NUP133: variants seen among roughly 807,000 people sequenced by gnomAD.
NUP133 encodes nucleoporin 133.
In NUP133, 66 loss-of-function variants were observed where a neutral mutation model predicts 146.2. The observed-to-expected ratio is 0.45, with a 90% CI of 0.37 to 0.55. The LOEUF (loss-of-function observed/expected upper bound fraction) is 0.55, where lower values mean the gene tolerates loss of function less well. NUP133 is among the 20% of genes least tolerant of loss of function. The pLI, the probability that NUP133 is intolerant of heterozygous loss-of-function variation, is 0.00. For synonymous variants in NUP133, 521 were observed against 498.8 expected, an observed-to-expected ratio of 1.04 and a Z score of -0.59; for missense variants, 1,277 against 1,374.8, an observed-to-expected ratio of 0.93 and a Z score of 1.12.
At chr1:229,502,823 G>T (rs1424719333) in intron 2 of NUP133, among the ~76,000 whole-genome samples, 1 of 150,164 alleles carries the variant, frequency 6.7e-6, no homozygotes, top group African/African-American at 2.5e-5. Context: ...AAATAGCCAG[G>T]CTTGGCAGTG....
chr1:229,463,621 A>G lies in NUP133; in HGVS notation c.2607T>C (p.Phe869=), dbSNP rs1302714900. Residue 869 remains phenylalanine (F), a synonymous_variant, in exon 19 of 26, where the codon TTT becomes TTC. Transcript: ENST00000261396. ...AASLAEKYCD[F]DILVQMCEQT... Reference sequence around the variant, plus strand: ...GCTCACACATTTGTACCAATATATCAAAGTCACAGTATTTCTCTGCTAGAG... The same window carrying G: ...GCTCACACATTTGTACCAATATATCGAAGTCACAGTATTTCTCTGCTAGAG... The G allele has an allele frequency of 6.2e-7, 1 of 1,614,078 alleles. No homozygotes were observed. Among genetic ancestry groups the G allele is most frequent in the Admixed American group, 1.7e-5 (1 of 60,018 alleles).
chr1:229,478,584 T>G (rs1290031388), intron 12 of NUP133, among the ~76,000 whole-genome samples: 2 of 152,082 alleles, frequency 1.3e-5, no homozygotes, highest in Middle Eastern at 3.4e-3. Context: ...TGGAAAAAAC[T>G]TGCAGGATAA....
At position 229,501,976 on chromosome 1, in the gene NUP133, C is replaced by T. The variant is rs373475847; in HGVS notation, c.405+23G>A. 3 of 1,525,018 alleles carry T rather than the reference C, an allele frequency of 2.0e-6. No individual in the cohort carries two copies. In the African/African-American group the frequency reaches 4.1e-5, roughly 21 times the overall value. 94.5% of individuals were successfully genotyped at this position (1,525,018 alleles called of 1,614,324 possible). A position where few individuals can be genotyped will look rare whatever the true frequency, so the allele number is the denominator to read the frequency against. On this transcript the variant is annotated intron_variant, in intron 3 of 25. Coordinates refer to ENST00000261396, the MANE Select transcript of NUP133 (RefSeq NM_018230.3). Reference sequence around the variant, plus strand: ...TGGCATTCCTCTCCTCTATCTTGTTCCAGCTCTCTAAAGAGCCATTACCTT... The same window carrying T: ...TGGCATTCCTCTCCTCTATCTTGTTTCAGCTCTCTAAAGAGCCATTACCTT...
intron 21 of NUP133, among the ~76,000 whole-genome samples, chr1:229,456,249 A>C (rs574989175): frequency 6.6e-6 from 1 of 152,306 alleles, no homozygotes; most frequent in Non-Finnish European, 1.5e-5. Flanking sequence ...AACCACGGGA[A>C]TATCCTGTTC....
chr1:229,494,332 G>A (rs1252266897), intron 8 of NUP133, among the ~76,000 whole-genome samples: 1 of 152,104 alleles, frequency 6.6e-6, no homozygotes, highest in Non-Finnish European at 1.5e-5. Flanking sequence ...AGACTGTAAA[G>A]GGGCCTATAA....
Position 229,508,298 on chromosome 1 carries a change from T to C in NUP133, c.-49A>G, listed in dbSNP as rs918523036. 5.2e-6 allele frequency: 7 copies of C among 1,358,536 alleles called. No homozygotes were observed. The highest frequency in any genetic ancestry group is 1.5e-5 in the African/African-American group (1 of 65,550). The allele number at this position is 1,358,536 out of a possible 1,614,324, so 84.2% of individuals were successfully genotyped here. On this transcript the variant is annotated 5_prime_UTR_variant, in exon 1 of 26. Coordinates refer to ENST00000261396, the MANE Select transcript of NUP133 (RefSeq NM_018230.3). ...ACAGCGAGGGATCTGGCCGTCAGGT[T>C]GCAGCCTGGCCTGCGCGCGGAACTT...
chr1:229,475,188 G>A (rs115474858), intron 14 of NUP133, among the ~76,000 whole-genome samples: 1,960 of 152,204 alleles, frequency 0.013, 44 homozygotes, highest in African/African-American at 0.043. Context: ...ATGTCTGCAA[G>A]CCACTTTTAT....
At chr1:229,482,891 C>T (rs1009626321) in intron 12 of NUP133, among the ~76,000 whole-genome samples, 3 of 152,218 alleles carry the variant, frequency 2.0e-5, no homozygotes, top group Non-Finnish European at 2.9e-5. Flanking sequence ...AGAGAGCGAG[C>T]TGGCCAGCCT....
At chr1:229,495,432 T>C (rs1365859622) in intron 8 of NUP133, 63 bp downstream of exon 8, 26 of 1,134,832 alleles carry the variant, frequency 2.3e-5, no homozygotes, top group Non-Finnish European at 3.4e-5. Context: ...CATTTTATTA[T>C]AAACATCAAC....
chr1:229,505,590 AAAACT>A (rs1661914051), intron 2 of NUP133, among the ~76,000 whole-genome samples: 1 of 149,766 alleles, frequency 6.7e-6, no homozygotes, highest in African/African-American at 2.5e-5. Context: ...AAAAAAAAAA[AAAACT>A]AAGACAGGTG....
chr1:229,501,377 G>A (rs1412759282), intron 3 of NUP133, among the ~76,000 whole-genome samples: 1 of 152,152 alleles, frequency 6.6e-6, no homozygotes, highest in Non-Finnish European at 1.5e-5. Context: ...CCTTTTCTAG[G>A]CAGCAGTAAC....
intron 15 of NUP133, 68 bp downstream of exon 15, chr1:229,470,512 T>C: frequency 1.5e-6 from 2 of 1,298,652 alleles, no homozygotes; most frequent in Non-Finnish European, 2.2e-6. Flanking sequence ...TCACCGTCTT[T>C]CCTGCCTAGG....
chr1:229,443,117 C>T (rs538355315), intron 25 of NUP133, among the ~76,000 whole-genome samples: 76 of 152,144 alleles, frequency 5.0e-4, no homozygotes, highest in African/African-American at 1.8e-3. Context: ...AGCTTCAATC[C>T]TTTGACCTTT....
At position 229,508,106 on chromosome 1, in the gene NUP133, G is replaced by A. The variant is rs556465444; in HGVS notation, c.144C>T (p.Leu48=). 5.9e-6 allele frequency: 9 copies of A among 1,525,964 alleles called. No individual in the cohort carries two copies. In the East Asian group the frequency reaches 2.1e-4, roughly 35 times the overall value. The allele number at this position is 1,525,964 out of a possible 1,614,324, so 94.5% of individuals were successfully genotyped here. ...PLGSAVSSPV[L]FSPVGRRSSL... ...AGCTACGCCGGCCGACCGGCGAGAA[G>A]AGCACTGGGGAGCTGACTGCAGACC... is the stretch of plus-strand genomic sequence containing the variant. Residue 48 remains leucine (L), a synonymous_variant, in exon 1 of 26, where the codon CTC becomes CTT. Coordinates refer to ENST00000261396, the MANE Select transcript of NUP133 (RefSeq NM_018230.3).
chr1:229,482,453 GA>G (rs1478125800), intron 12 of NUP133, among the ~76,000 whole-genome samples: 1 of 152,188 alleles, frequency 6.6e-6, no homozygotes, highest in Non-Finnish European at 1.5e-5. Context: ...CACAATGGCA[GA>G]AATGTTCAGC....
intron 21 of NUP133, among the ~76,000 whole-genome samples, chr1:229,456,686 A>G (rs922369818): frequency 6.6e-6 from 1 of 152,132 alleles, no homozygotes; most frequent in Non-Finnish European, 1.5e-5. Flanking sequence ...CACTGCAGAG[A>G]CAAGAAATAC....
At chr1:229,490,286 G>T (rs1211900770) in intron 8 of NUP133, among the ~76,000 whole-genome samples, 184 bp from the exon 9 acceptor site, 1 of 151,960 alleles carries the variant, frequency 6.6e-6, no homozygotes, top group Non-Finnish European at 1.5e-5. Flanking sequence ...GTGTACAAAT[G>T]ACTGTAGTGG....
chr1:229,442,354 T>C (rs1024727232), intron 25 of NUP133, among the ~76,000 whole-genome samples: 7 of 152,248 alleles, frequency 4.6e-5, no homozygotes, highest in Non-Finnish European at 8.8e-5. Flanking sequence ...CAAACACTTA[T>C]ATGATCCCCT....
chr1:229,498,647 T>G (rs1661717115), intron 5 of NUP133, among the ~76,000 whole-genome samples: 1 of 151,868 alleles, frequency 6.6e-6, no homozygotes, highest in African/African-American at 2.4e-5. Flanking sequence ...TCCCAGCCAC[T>G]TGGGAGGCAG....
Sources: gnomAD v4.1 joint callset for allele counts (sites outside exome capture counted in the v4.1 genomes callset) on GRCh38, gnomAD v4.1.1 for gene constraint, MANE v1.5 for transcripts, NCBI Gene and HGNC (gene_info 2026-07-23, HGNC 2026-07-21) for gene names.